Variants in TBC1D22B observed in about 807,000 individuals in gnomAD.
TBC1D22B encodes the protein TBC1 domain family member 22B, also known as chromosome 6 open reading frame 197.
TBC1D22B carries 32 observed loss-of-function variants against 69.1 expected under a neutral mutation model. The observed-to-expected ratio is 0.46, with a 90% confidence interval of 0.35 to 0.62. TBC1D22B has a LOEUF of 0.62. TBC1D22B is among the 20% of genes least tolerant of loss of function. TBC1D22B has a pLI of 0.00. For missense variants in TBC1D22B, 462 were observed against 630.9 expected (o/e 0.73, Z 2.87); for synonymous variants, 206 against 229.8 (o/e 0.90, Z 0.94).
chr6:37,290,904 A>G (rs1402851719), intron 7 of TBC1D22B, among the ~76,000 whole-genome samples: 1 of 152,126 alleles, frequency 6.6e-6, no homozygotes, highest in Middle Eastern at 3.2e-3. Context: ...AGGAAACCAT[A>G]TCTACAGATG....
chr6:37,292,386 G>T (rs1767213678), intron 8 of TBC1D22B, among the ~76,000 whole-genome samples: 1 of 152,044 alleles, frequency 6.6e-6, no homozygotes, highest in Non-Finnish European at 1.5e-5. Flanking sequence ...GGGCTCAAAG[G>T]GATGATGAGG....
chr6:37,282,489 T>C (rs1489866235), intron 4 of TBC1D22B, 125 bp downstream of exon 4: 23 of 1,143,784 alleles, frequency 2.0e-5, no homozygotes, highest in Non-Finnish European at 2.8e-5. Context: ...CTGGTGCCCA[T>C]TGCAGTGACA....
intron 5 of TBC1D22B, among the ~76,000 whole-genome samples, chr6:37,283,450 G>A (rs1304100677): frequency 1.3e-5 from 2 of 152,206 alleles, no homozygotes; most frequent in African/African-American, 2.4e-5. Flanking sequence ...CATTCATCTA[G>A]TGAGGATTTA....
intron 2 of TBC1D22B, among the ~76,000 whole-genome samples, chr6:37,270,524 T>G (rs1766451084): frequency 6.6e-6 from 1 of 152,146 alleles, no homozygotes; most frequent in Non-Finnish European, 1.5e-5. Context: ...TCTAATAAAT[T>G]ATTTTCAAGC....
chr6:37,294,288 T>A (rs195762), intron 8 of TBC1D22B, among the ~76,000 whole-genome samples: 2 of 152,096 alleles, frequency 1.3e-5, no homozygotes, highest in Non-Finnish European at 2.9e-5. Context: ...CTCCTGCCCC[T>A]CCGAGTAGCT....
chr6:37,269,552 C>G (rs764376201), intron 1 of TBC1D22B, 42 bp from the exon 2 acceptor site: 8 of 1,589,428 alleles, frequency 5.0e-6, no homozygotes, highest in Middle Eastern at 1.7e-4. Context: ...ATTTAGTTTC[C>G]TAACTAAACT....
At position 37,284,469 on chromosome 6, in the gene TBC1D22B, A is replaced by G; in HGVS notation, c.801+5A>G. The G allele has an allele frequency of 1.3e-6, 2 of 1,563,146 alleles. No homozygotes were observed. Among genetic ancestry groups the G allele is most frequent in the South Asian group, 1.2e-5 (1 of 81,464 alleles). On this transcript the variant is annotated splice_donor_5th_base_variant and intron_variant, in intron 6 of 12. Transcript: ENST00000373491. Reference sequence around the variant, plus strand: ...CACCAGGATACCTACAGACAGGTACAGTCACCACCTGCTGCCTCTTTGCTT... The same window carrying G: ...CACCAGGATACCTACAGACAGGTACGGTCACCACCTGCTGCCTCTTTGCTT...
At chr6:37,320,150 C>A (rs1468345310) in intron 12 of TBC1D22B, among the ~76,000 whole-genome samples, 1 of 152,114 alleles carries the variant, frequency 6.6e-6, no homozygotes, top group African/African-American at 2.4e-5. Context: ...GGAAAAAGAG[C>A]CAGATATAAA....
intron 1 of TBC1D22B, among the ~76,000 whole-genome samples, chr6:37,261,166 G>A (rs1210637269): frequency 6.6e-6 from 1 of 151,996 alleles, no homozygotes; most frequent in African/African-American, 2.4e-5. Flanking sequence ...TGGCAGGTGT[G>A]GTGGCCTGTA....
rs141049815 is a variant in TBC1D22B at position 37,331,292 on chromosome 6, C to A, written c.*120C>A. 145 of 1,028,956 alleles carry A rather than the reference C, an allele frequency of 1.4e-4. No homozygotes were observed. In the African/African-American group the frequency reaches 2.0e-3, roughly 14 times the overall value. The allele number at this position is 1,028,956 out of a possible 1,614,324, so 63.7% of individuals were successfully genotyped here. A position where few individuals can be genotyped will look rare whatever the true frequency, so the allele number is the denominator to read the frequency against. ...CACTCCTGTTGTACAAAGCTCACACCCACCGCCCAGGTCTTAACTTTCTGG... is the reference window on the plus strand; with the variant it reads ...CACTCCTGTTGTACAAAGCTCACACACACCGCCCAGGTCTTAACTTTCTGG... On this transcript the variant is annotated 3_prime_UTR_variant, in exon 13 of 13. Transcript: ENST00000373491.
At chr6:37,274,837 G>T (rs1184177363) in intron 2 of TBC1D22B, among the ~76,000 whole-genome samples, 1 of 152,170 alleles carries the variant, frequency 6.6e-6, no homozygotes, top group African/African-American at 2.4e-5. Flanking sequence ...GATCACCTGA[G>T]GTTAGGAGTT....
chr6:37,330,645 C>CA (rs944406132), intron 12 of TBC1D22B, among the ~76,000 whole-genome samples: 4 of 150,860 alleles, frequency 2.7e-5, no homozygotes, highest in Admixed American at 1.3e-4. Context: ...GATCCTGTCT[C>CA]AAAAAAAAGT....
intron 7 of TBC1D22B, 66 bp downstream of exon 7, chr6:37,287,138 G>A (rs1217840412): frequency 1.5e-6 from 2 of 1,370,266 alleles, no homozygotes; most frequent in East Asian, 2.5e-5. Context: ...CTGTTTACAG[G>A]TTTGCGGCTA....
intron 8 of TBC1D22B, among the ~76,000 whole-genome samples, chr6:37,293,961 A>T (rs1364595076): frequency 6.6e-6 from 1 of 152,218 alleles, no homozygotes; most frequent in Non-Finnish European, 1.5e-5. Context: ...GAGGTGAGAA[A>T]GCTACAGAAG....
chr6:37,314,502 C>T (rs999664041), intron 10 of TBC1D22B, among the ~76,000 whole-genome samples: 1 of 152,118 alleles, frequency 6.6e-6, no homozygotes, highest in Non-Finnish European at 1.5e-5. Context: ...AGGCACATGT[C>T]TTTGAGGAAC....
chr6:37,320,804 G>T (rs1562067673), intron 12 of TBC1D22B, among the ~76,000 whole-genome samples: 1 of 152,188 alleles, frequency 6.6e-6, no homozygotes, highest in Non-Finnish European at 1.5e-5. Flanking sequence ...GGGCAAAGGA[G>T]CCTGAGGCAC....
At chr6:37,286,924 A>G in intron 6 of TBC1D22B, 83 bp from the exon 7 acceptor site, 3 of 1,259,058 alleles carry the variant, frequency 2.4e-6, no homozygotes, top group Admixed American at 2.0e-5. Context: ...AGCCTGGGGG[A>G]CAAGAGCGAG....
At chr6:37,280,111 T>A (rs1413200890) in intron 3 of TBC1D22B, among the ~76,000 whole-genome samples, 2 of 152,228 alleles carry the variant, frequency 1.3e-5, no homozygotes, top group Non-Finnish European at 2.9e-5. Context: ...AGGTCCCAGC[T>A]TCCTGACCAT....
chr6:37,304,509 G>T lies in TBC1D22B; in HGVS notation c.983-8409G>T, dbSNP rs79798976. On this transcript the variant is annotated intron_variant, in intron 8 of 12. Transcript: ENST00000373491. Reference sequence around the variant, plus strand: ...AGTCTCAGAAACCATGAAACAGAATGAAAGAAGCCAGATACCAAAAAATAT... The same window carrying T: ...AGTCTCAGAAACCATGAAACAGAATTAAAGAAGCCAGATACCAAAAAATAT... Among the ~76,000 whole-genome samples, 1,183 of 152,220 alleles carry T rather than the reference G, an allele frequency of 7.8e-3. 11 individuals are homozygous for T. Among genetic ancestry groups the T allele is most frequent in the African/African-American group, 0.026 (1,093 of 41,528 alleles).
Sources: allele counts gnomAD v4.1 joint callset (sites outside exome capture counted in the v4.1 genomes callset), GRCh38; gene constraint gnomAD v4.1.1; transcripts MANE v1.5; gene names NCBI Gene and HGNC (gene_info 2026-07-23, HGNC 2026-07-21).